Variants in RPTOR observed in about 807,000 individuals in gnomAD.
RPTOR encodes regulatory-associated protein of mTOR.
Under a neutral mutation model 169.9 loss-of-function variants are expected in RPTOR, and 21 were observed. That is an observed-to-expected ratio of 0.12 (90% confidence interval 0.09 to 0.18). RPTOR has a LOEUF of 0.18. Ranked by LOEUF, RPTOR falls within the 10% of genes least tolerant of loss-of-function variation. RPTOR has a pLI of 1.00. For synonymous variants in RPTOR, 732 were observed against 753.2 expected, an observed-to-expected ratio of 0.97 and a Z score of 0.46; for missense variants, 1,133 against 1,855.9, an observed-to-expected ratio of 0.61 and a Z score of 7.16.
chr17:80,705,172 A>T (rs114786467), intron 3 of RPTOR, among the ~76,000 whole-genome samples: 1,744 of 152,384 alleles, frequency 0.011, 34 homozygotes, highest in African/African-American at 0.04. Context: ...GTCAACGCAC[A>T]TCCTTCATAG....
At chr17:80,838,783 G>A (rs774482437) in intron 10 of RPTOR, among the ~76,000 whole-genome samples, 2 of 152,230 alleles carry the variant, frequency 1.3e-5, no homozygotes, top group Admixed American at 6.5e-5. Flanking sequence ...AGACACCACC[G>A]TGTCAGGCTC....
chr17:80,876,359 G>A (rs555368911), intron 13 of RPTOR, among the ~76,000 whole-genome samples: 1 of 64,414 alleles, frequency 1.6e-5, no homozygotes, highest in Admixed American at 1.5e-4. Context: ...CACCGAGCCC[G>A]TGCCACGCAG....
At chr17:80,586,976 C>T (rs367669716) in intron 1 of RPTOR, among the ~76,000 whole-genome samples, 1 of 152,242 alleles carries the variant, frequency 6.6e-6, no homozygotes, top group East Asian at 1.9e-4. Context: ...GATGAACACA[C>T]GAGCCGGTCA....
In RPTOR at chr17:80,947,278, C is replaced by T. The variant is rs751460290; in HGVS notation, c.3192C>T (p.Asn1064=). 5 of 1,605,726 alleles carry T rather than the reference C, an allele frequency of 3.1e-6. No individual in the cohort carries two copies. The highest frequency in any genetic ancestry group is 1.7e-5 in the Admixed American group (1 of 58,646). ...AGCTGGATTATTTCCACAATGGGAA[C>T]CCTCGGTACACGAGGGTCACTGCCA... The part of the protein sequence containing the change: ...GEKLDYFHNG[N]PRYTRVTAME... Residue 1064 remains asparagine (N), a synonymous_variant, in exon 27 of 34, where the codon AAC becomes AAT. Transcript: ENST00000306801. The surrounding 1 kb of genome is among the most constrained non-coding windows in gnomAD (Gnocchi z 4.4).
intron 5 of RPTOR, among the ~76,000 whole-genome samples, chr17:80,749,392 C>T (rs2440667): frequency 7.2e-5 from 2 of 27,624 alleles, no homozygotes; most frequent in African/African-American, 1.1e-4. Context: ...TGTGTTTAGA[C>T]GCCGTGGCGG....
At chr17:80,682,863 C>G (rs1276888330) in intron 3 of RPTOR, among the ~76,000 whole-genome samples, 1 of 152,010 alleles carries the variant, frequency 6.6e-6, no homozygotes, top group African/African-American at 2.4e-5. Flanking sequence ...GTGGTGTGAT[C>G]CATCATAGCT....
intron 3 of RPTOR, among the ~76,000 whole-genome samples, chr17:80,677,580 C>G (rs1214229868): frequency 6.6e-6 from 1 of 152,142 alleles, no homozygotes; most frequent in Admixed American, 6.5e-5. Flanking sequence ...CTCCCACCTT[C>G]CCTCTCACCA....
rs980811273 is a variant in RPTOR at position 80,721,770 on chromosome 17, A to G, written c.508-8790A>G. 6.6e-6 allele frequency among the ~76,000 whole-genome samples: 1 copy of G among 151,354 alleles called. No individual in the cohort carries two copies. The highest frequency in any genetic ancestry group is 1.9e-4 in the East Asian group (1 of 5,206). ...GAGGAACACAGCCAGCTTTCCTGTT[A>G]TTTATTAATAGGCTTAAGATAGCCA... is the stretch of plus-strand genomic sequence containing the variant. On this transcript the variant is annotated intron_variant, in intron 4 of 33. Coordinates refer to ENST00000306801, the MANE Select transcript of RPTOR (RefSeq NM_020761.3). The surrounding 1 kb of genome is among the most constrained non-coding windows in gnomAD (Gnocchi z 4.7).
intron 3 of RPTOR, among the ~76,000 whole-genome samples, chr17:80,698,495 T>G (rs1472226558): frequency 1.3e-5 from 2 of 152,224 alleles, no homozygotes; most frequent in African/African-American, 4.8e-5. Flanking sequence ...TTGATCCACA[T>G]TGTCCTCCAG....
At chr17:80,656,364 G>A (rs1048080088) in intron 3 of RPTOR, among the ~76,000 whole-genome samples, 4 of 152,154 alleles carry the variant, frequency 2.6e-5, no homozygotes, top group Non-Finnish European at 4.4e-5. Context: ...CAACACGCCC[G>A]GCCTCAGAAT....
rs201694764 is a variant in RPTOR at position 80,925,410 on chromosome 17, T to A, written c.2849T>A (p.Phe950Tyr). Residue 950 changes from phenylalanine (F) to tyrosine (Y), a missense_variant, in exon 24 of 34, where the codon TTC (phenylalanine) becomes TAC (tyrosine). Phe to Tyr is a conservative substitution (Grantham distance 22). This residue lies in a region of RPTOR where 410 missense variants were observed against 623.7 expected (regional missense o/e 0.66). Coordinates refer to ENST00000306801, the MANE Select transcript of RPTOR (RefSeq NM_020761.3). ...GACGATGCTGCTGGACACAAAAGTT[T>A]CATCTCCGCCACGGTGCAGACGGGG... Reference protein sequence around the residue: ...DADDAAGHKSFISATVQTGFC... With the variant: ...DADDAAGHKSYISATVQTGFC... 6.2e-7 allele frequency: 1 copy of A among 1,613,736 alleles called. No homozygotes were observed. The highest frequency in any genetic ancestry group is 1.3e-5 in the African/African-American group (1 of 75,044).
At chr17:80,688,728 C>T (rs1469707412) in intron 3 of RPTOR, among the ~76,000 whole-genome samples, 2 of 152,224 alleles carry the variant, frequency 1.3e-5, no homozygotes, top group African/African-American at 4.8e-5. Context: ...CTCTCTGCTC[C>T]ATCCCTTTTT....
At position 80,746,579 on chromosome 17, in the gene RPTOR, T is replaced by G. The variant is rs2066577753; in HGVS notation, c.655-7431T>G. 6.6e-6 allele frequency among the ~76,000 whole-genome samples: 1 copy of G among 152,188 alleles called. No individual in the cohort carries two copies. The highest frequency in any genetic ancestry group is 1.5e-5 in the Non-Finnish European group (1 of 68,030). ...AGCATTGGAAGATGAGAGTCTTTCT[T>G]GTGTTTGAGTCCCTAGGCTCCCCGG... On this transcript the variant is annotated intron_variant, in intron 5 of 33. Transcript: ENST00000306801. The surrounding 1 kb of genome is among the most constrained non-coding windows in gnomAD (Gnocchi z 4.5).
rs548355064 is a variant in RPTOR at position 80,546,283 on chromosome 17, C to T, written c.162+492C>T. ...TTAGTGCAAAGTTATTATAAAGTTACACTGAACTTCATTCTAGTCTTCTAA... is the reference window on the plus strand; with the variant it reads ...TTAGTGCAAAGTTATTATAAAGTTATACTGAACTTCATTCTAGTCTTCTAA... On this transcript the variant is annotated intron_variant, in intron 1 of 33. Coordinates refer to ENST00000306801, the MANE Select transcript of RPTOR (RefSeq NM_020761.3). Among the ~76,000 whole-genome samples the T allele has an allele frequency of 1.1e-4, 17 of 152,336 alleles. No homozygotes were observed. In the South Asian group the frequency reaches 2.7e-3, roughly 24 times the overall value.
At chr17:80,600,099 T>C (rs2065174472) in intron 1 of RPTOR, among the ~76,000 whole-genome samples, 1 of 152,208 alleles carries the variant, frequency 6.6e-6, no homozygotes, top group Non-Finnish European at 1.5e-5. Context: ...GTGCAGTGTC[T>C]GGCCTTTCAG....
At chr17:80,709,047 A>G (rs2066164247) in intron 4 of RPTOR, 2 of 985,388 alleles carry the variant, frequency 2.0e-6, no homozygotes, top group Non-Finnish European at 2.4e-6. Context: ...GTGGGCCCAG[A>G]GCAGAGACCT....
At chr17:80,556,074 C>A (rs1263083708) in intron 1 of RPTOR, among the ~76,000 whole-genome samples, 1 of 149,510 alleles carries the variant, frequency 6.7e-6, no homozygotes, top group African/African-American at 2.5e-5. Flanking sequence ...TCCCGAGACT[C>A]ACATGAGACA....
intron 3 of RPTOR, among the ~76,000 whole-genome samples, chr17:80,694,573 A>G (rs2066020557): frequency 6.6e-6 from 1 of 152,180 alleles, no homozygotes; most frequent in African/African-American, 2.4e-5. Context: ...CCTTCCATCC[A>G]GCATCAGGTT....
At chr17:80,606,042 C>T (rs987451795) in intron 1 of RPTOR, among the ~76,000 whole-genome samples, 7 of 152,120 alleles carry the variant, frequency 4.6e-5, no homozygotes, top group Non-Finnish European at 8.8e-5. Flanking sequence ...GATGGCGTCT[C>T]GCTCTGTCGC....
Sources: allele counts gnomAD v4.1 joint callset (sites outside exome capture counted in the v4.1 genomes callset), GRCh38; gene constraint gnomAD v4.1.1; regional missense constraint gnomAD v4.1.1; non-coding constraint Gnocchi (gnomAD v3.1); transcripts MANE v1.5; gene names NCBI Gene and HGNC (gene_info 2026-07-23, HGNC 2026-07-21).